The following LINGO2 variants were observed in gnomAD, a reference collection of about 807,000 sequenced individuals.
LINGO2 encodes leucine-rich repeat and immunoglobulin-like domain-containing nogo receptor-interacting protein 2.
In LINGO2, 14 loss-of-function variants were observed where a neutral mutation model predicts 30.6. The ratio of observed to expected loss-of-function variants is 0.46; its 90% CI spans 0.30 to 0.72. The LOEUF (loss-of-function observed/expected upper bound fraction) is 0.72, where lower values mean the gene tolerates loss of function less well. Ranked by LOEUF, LINGO2 falls within the 30% of genes least tolerant of loss-of-function variation. The pLI, the probability that LINGO2 is intolerant of heterozygous loss-of-function variation, is 0.07. For synonymous variants in LINGO2, 317 were observed against 288.5 expected, an observed-to-expected ratio of 1.10 and a Z score of -1.00; for missense variants, 729 against 751.7, an observed-to-expected ratio of 0.97 and a Z score of 0.35.
chr9:28,086,307 A>G (rs980534362), intron 4 of LINGO2, among the ~76,000 whole-genome samples: 1 of 152,128 alleles, frequency 6.6e-6, no homozygotes, highest in African/African-American at 2.4e-5. Context: ...GATTTAAAAA[A>G]TGATACAACT....
At chr9:28,736,960 C>T in the LINGO2 span, among the ~76,000 whole-genome samples, 1 of 151,986 alleles carries the variant, frequency 6.6e-6, no homozygotes, top group African/African-American at 2.4e-5. Flanking sequence ...AAAACATTCC[C>T]CAAGGGGATC....
rs114027810 is a variant in LINGO2 at position 28,440,695 on chromosome 9, C to A, written c.-279+35245G>T. ...CTCAGATAATGCTTTTTTGTTTCAA[C>A]TATGACTACCCTATGAAGTAGGATT... is the stretch of plus-strand genomic sequence containing the variant. On this transcript the variant is annotated intron_variant, in intron 2 of 5. Coordinates refer to ENST00000379992, the Ensembl canonical transcript of LINGO2. 8.0e-3 allele frequency among the ~76,000 whole-genome samples: 1,210 copies of A among 152,188 alleles called. 18 individuals carry two copies. The highest frequency in any genetic ancestry group is 0.026 in the African/African-American group (1,080 of 41,532).
At chr9:28,922,726 T>C in the LINGO2 span, among the ~76,000 whole-genome samples, 110 of 152,356 alleles carry the variant, frequency 7.2e-4, no homozygotes, top group African/African-American at 2.5e-3. Flanking sequence ...TAAGTGTCAC[T>C]ACTTTGCGAC....
At chr9:29,017,030 C>A in the LINGO2 span, among the ~76,000 whole-genome samples, 2 of 152,200 alleles carry the variant, frequency 1.3e-5, no homozygotes, top group East Asian at 3.9e-4. Flanking sequence ...TATCTTGTGG[C>A]ATAATTATAA....
intron 4 of LINGO2, among the ~76,000 whole-genome samples, chr9:28,155,260 T>TCATGGCAAACAAGGTCACAG (rs1365869577): frequency 1.3e-5 from 2 of 152,178 alleles, no homozygotes; most frequent in Non-Finnish European, 2.9e-5. Context: ...AATCTAGAAG[T>TCATGGCAAACAAGGTCACAG]CATGGCAAAC....
intron 3 of LINGO2, among the ~76,000 whole-genome samples, chr9:28,354,787 A>G (rs903027009): frequency 2.0e-5 from 3 of 152,188 alleles, no homozygotes; most frequent in Admixed American, 1.3e-4. Context: ...CTCTTTTAAT[A>G]TAACTTCATA....
the LINGO2 span, among the ~76,000 whole-genome samples, chr9:28,694,119 T>C: frequency 6.6e-6 from 1 of 151,468 alleles, no homozygotes; most frequent in African/African-American, 2.4e-5. Context: ...ATTGAATACA[T>C]GGTTTTCAAA....
intron 3 of LINGO2, among the ~76,000 whole-genome samples, chr9:28,331,762 T>C (rs1392935896): frequency 1.3e-5 from 2 of 152,138 alleles, no homozygotes; most frequent in African/African-American, 4.8e-5. Context: ...TGTCTTGGCC[T>C]CCCCAAAATG....
chr9:28,771,451 T>TGG, the LINGO2 span, among the ~76,000 whole-genome samples: 90 of 91,200 alleles, frequency 9.9e-4, no homozygotes, highest in African/African-American at 3.0e-3. Context: ...CTTTCCTATT[T>TGG]GGTGTGTGTG....
intron 4 of LINGO2, among the ~76,000 whole-genome samples, chr9:28,196,483 G>A (rs910422789): frequency 6.6e-6 from 1 of 151,498 alleles, no homozygotes; most frequent in Admixed American, 6.6e-5. Context: ...TAAATTAGAG[G>A]AAAATACCCC....
chr9:28,913,290 ATGCC>A, the LINGO2 span, among the ~76,000 whole-genome samples: 1 of 152,062 alleles, frequency 6.6e-6, no homozygotes, highest in Non-Finnish European at 1.5e-5. Flanking sequence ...ATTTGTATAA[ATGCC>A]TGTTCAGTGA....
chr9:28,871,480 A>G, the LINGO2 span, among the ~76,000 whole-genome samples: 1 of 151,856 alleles, frequency 6.6e-6, no homozygotes, highest in Admixed American at 6.6e-5. Flanking sequence ...TACTTCATAT[A>G]CTCTGTGTTA....
the LINGO2 span, among the ~76,000 whole-genome samples, chr9:29,209,799 AG>A: frequency 6.6e-6 from 1 of 152,182 alleles, no homozygotes; most frequent in African/African-American, 2.4e-5. Context: ...CAGTACTCAG[AG>A]GTTGGTTGAG....
chr9:28,765,528 A>G, the LINGO2 span, among the ~76,000 whole-genome samples: 1 of 152,082 alleles, frequency 6.6e-6, no homozygotes, highest in African/African-American at 2.4e-5. Flanking sequence ...AAAGGAGTGA[A>G]TGAGCTCTTG....
At chr9:28,262,643 G>A (rs1822604662) in intron 4 of LINGO2, among the ~76,000 whole-genome samples, 1 of 151,916 alleles carries the variant, frequency 6.6e-6, no homozygotes, top group African/African-American at 2.4e-5. Context: ...AACATTGTAA[G>A]AAATTAAAAT....
intron 1 of LINGO2, among the ~76,000 whole-genome samples, chr9:28,505,703 C>G (rs935567495): frequency 6.6e-6 from 1 of 151,792 alleles, no homozygotes; most frequent in Non-Finnish European, 1.5e-5. Context: ...CTACATTTAC[C>G]AACTAATGCA....
At chr9:28,051,008 G>C (rs1434401460) in intron 4 of LINGO2, among the ~76,000 whole-genome samples, 2 of 150,942 alleles carry the variant, frequency 1.3e-5, no homozygotes, top group African/African-American at 4.9e-5. Context: ...AAGGATGGTT[G>C]AAACAAAGTT....
At chr9:28,255,284 G>C (rs546764472) in intron 4 of LINGO2, among the ~76,000 whole-genome samples, 53 of 151,856 alleles carry the variant, frequency 3.5e-4, no homozygotes, top group Middle Eastern at 3.4e-3. Flanking sequence ...AGTAACATCT[G>C]TACAGGTATT....
chr9:28,688,388 C>G, the LINGO2 span, among the ~76,000 whole-genome samples: 1 of 152,144 alleles, frequency 6.6e-6, no homozygotes. Flanking sequence ...AATAAATTAG[C>G]TTGCTTGGGC....
Sources: allele counts gnomAD v4.1 joint callset (sites outside exome capture counted in the v4.1 genomes callset), GRCh38; gene constraint gnomAD v4.1.1; transcripts MANE v1.5; gene names NCBI Gene and HGNC (gene_info 2026-07-23, HGNC 2026-07-21).